DCDC1: variants seen among roughly 807,000 people sequenced by gnomAD.
DCDC1 encodes doublecortin domain containing 1.
In DCDC1, 200 loss-of-function variants were observed where a neutral mutation model predicts 178.3. The ratio of observed to expected loss-of-function variants is 1.12; its 90% CI spans 1.00 to 1.26. The LOEUF is 1.26. Ranked by LOEUF, DCDC1 falls within the 50% of genes most tolerant of loss-of-function variation. The pLI is 0.00. For synonymous variants in DCDC1, 690 were observed against 604.8 expected, an observed-to-expected ratio of 1.14 and a Z score of -2.07; for missense variants, 1,983 against 1,749.2, an observed-to-expected ratio of 1.13 and a Z score of -2.38.
chr11:31,064,806 C>T (rs1412105268), intron 19 of DCDC1, among the ~76,000 whole-genome samples, 180 bp from the exon 20 acceptor site: 2 of 152,134 alleles, frequency 1.3e-5, no homozygotes, highest in South Asian at 2.1e-4. Flanking sequence ...AAGGGTATCA[C>T]ATCTGTTTAA....
chr11:30,985,960 A>T (rs1950619325), intron 20 of DCDC1, among the ~76,000 whole-genome samples: 4 of 152,092 alleles, frequency 2.6e-5, no homozygotes, highest in Non-Finnish European at 5.9e-5. Flanking sequence ...TTTGAGGGGG[A>T]CAGAAATTAG....
intron 20 of DCDC1, among the ~76,000 whole-genome samples, chr11:31,038,422 ACT>A (rs1954222644): frequency 6.6e-6 from 1 of 152,168 alleles, no homozygotes; most frequent in Non-Finnish European, 1.5e-5. Context: ...CGTAACTTCA[ACT>A]TTTTGTGCAT....
intron 18 of DCDC1, among the ~76,000 whole-genome samples, chr11:31,075,875 G>C (rs1329749590): frequency 6.6e-6 from 1 of 152,042 alleles, no homozygotes; most frequent in East Asian, 1.9e-4. Flanking sequence ...TTTTGAGACA[G>C]AGTTTCGCTC....
At position 31,052,580 on chromosome 11, in the gene DCDC1, C is replaced by T. The variant is rs1250797523; in HGVS notation, c.2591+11889G>A. 1.1e-4 allele frequency among the ~76,000 whole-genome samples: 16 copies of T among 152,160 alleles called. No homozygotes were observed. The East Asian group carries it at 2.9e-3, about 28-fold the overall frequency. On this transcript the variant is annotated intron_variant, in intron 20 of 38. Transcript: ENST00000684477. ...CATTCAACAGTGCATGGAACTTTCACCAGGATAGACCATATGATAGGCCAT... is the reference window on the plus strand; with the variant it reads ...CATTCAACAGTGCATGGAACTTTCATCAGGATAGACCATATGATAGGCCAT...
In DCDC1 at chr11:31,297,720, A is replaced by C. The variant is rs377686945; in HGVS notation, c.755-6868T>G. ...AACTTTCTCATCTCTAAAAATTCAA[A>C]AATTTTCAACTCCTAGGGCTGAGGC... On this transcript the variant is annotated intron_variant, in intron 6 of 38. Transcript: ENST00000684477. Among the ~76,000 whole-genome samples, 30 of 152,282 alleles carry C rather than the reference A, an allele frequency of 2.0e-4. 1 individual carries two copies. In the East Asian group the frequency reaches 5.6e-3, roughly 28 times the overall value.
intron 20 of DCDC1, among the ~76,000 whole-genome samples, chr11:30,967,894 C>T (rs1017390433): frequency 1.3e-5 from 2 of 151,764 alleles, no homozygotes; most frequent in African/African-American, 4.8e-5. Context: ...ATGAAAAGGA[C>T]AAGAGCAGTT....
At chr11:31,158,008 T>C (rs1241880422) in intron 9 of DCDC1, among the ~76,000 whole-genome samples, 1 of 152,198 alleles carries the variant, frequency 6.6e-6, no homozygotes, top group Admixed American at 6.5e-5. Flanking sequence ...CATTAACCCA[T>C]GCATTATCTC....
At chr11:30,982,373 C>T (rs977290675) in intron 20 of DCDC1, among the ~76,000 whole-genome samples, 16 of 152,184 alleles carry the variant, frequency 1.1e-4, no homozygotes, top group African/African-American at 3.6e-4. Context: ...ACAGTATCTA[C>T]CAAAACTTTC....
At chr11:31,074,206 G>A (rs1956733058) in intron 18 of DCDC1, among the ~76,000 whole-genome samples, 1 of 152,132 alleles carries the variant, frequency 6.6e-6, no homozygotes, top group African/African-American at 2.4e-5. Flanking sequence ...ATGTCTCACT[G>A]GACATCGAAG....
chr11:31,024,069 AT>A (rs1338176355), intron 20 of DCDC1, among the ~76,000 whole-genome samples: 1 of 152,062 alleles, frequency 6.6e-6, no homozygotes, highest in Non-Finnish European at 1.5e-5. Flanking sequence ...AAGGTACATG[AT>A]TAGGAACATT....
chr11:31,016,458 G>C (rs1952492677), intron 20 of DCDC1, among the ~76,000 whole-genome samples: 1 of 152,168 alleles, frequency 6.6e-6, no homozygotes, highest in South Asian at 2.1e-4. Flanking sequence ...GGAGAGGATT[G>C]ACATGTAAAC....
At chr11:31,148,705 A>G (rs1006297273) in intron 9 of DCDC1, among the ~76,000 whole-genome samples, 3 of 151,612 alleles carry the variant, frequency 2.0e-5, no homozygotes, top group African/African-American at 7.3e-5. Flanking sequence ...TCCGTCTCAA[A>G]AAAAAAAAAA....
At chr11:31,113,550 T>TG (rs1959331603) in intron 11 of DCDC1, among the ~76,000 whole-genome samples, 1 of 151,710 alleles carries the variant, frequency 6.6e-6, no homozygotes, top group Admixed American at 6.6e-5. Flanking sequence ...TTTGGTTTTT[T>TG]GTCCTTGCAA....
At chr11:31,327,836 T>G (rs909683783) in intron 3 of DCDC1, among the ~76,000 whole-genome samples, 2 of 152,084 alleles carry the variant, frequency 1.3e-5, no homozygotes, top group African/African-American at 4.8e-5. Flanking sequence ...CAAGCGATTC[T>G]CCTGCCTTAG....
intron 17 of DCDC1, among the ~76,000 whole-genome samples, chr11:31,083,241 A>G (rs918566120): frequency 6.6e-6 from 1 of 152,232 alleles, no homozygotes; most frequent in Non-Finnish European, 1.5e-5. Context: ...GGTAAAGATT[A>G]CTTGAAATTG....
chr11:31,212,904 T>C (rs1972762428), intron 9 of DCDC1, among the ~76,000 whole-genome samples: 2 of 152,152 alleles, frequency 1.3e-5, no homozygotes, highest in African/African-American at 2.4e-5. Flanking sequence ...TGTCCATTAG[T>C]AGCTATATAT....
intron 15 of DCDC1, among the ~76,000 whole-genome samples, chr11:31,097,233 G>A (rs1958221904): frequency 6.6e-6 from 1 of 152,160 alleles, no homozygotes; most frequent in East Asian, 1.9e-4. Flanking sequence ...GCTAATGAAG[G>A]TGGAGTAGCC....
chr11:30,878,418 C>T, intron 38 of DCDC1, 126 bp downstream of exon 38: 1 of 890,246 alleles, frequency 1.1e-6, no homozygotes, highest in East Asian at 3.2e-5. Context: ...TGTGCCACTA[C>T]ACTCCAGCCT....
chr11:31,194,342 G>A (rs375404973), intron 9 of DCDC1, among the ~76,000 whole-genome samples: 3 of 151,850 alleles, frequency 2.0e-5, no homozygotes, highest in African/African-American at 7.3e-5. Flanking sequence ...GAACCAATAC[G>A]AATTGTTTTA....
Sources: gnomAD v4.1 joint callset for allele counts (sites outside exome capture counted in the v4.1 genomes callset) on GRCh38, gnomAD v4.1.1 for gene constraint, MANE v1.5 for transcripts, NCBI Gene and HGNC (gene_info 2026-07-23, HGNC 2026-07-21) for gene names.